Variants in UBXN6 observed in about 807,000 individuals in gnomAD.
UBXN6 encodes UBX domain-containing protein 6.
A neutral mutation model predicts 51.4 loss-of-function variants in UBXN6; 44 were observed. The ratio of observed to expected loss-of-function variants is 0.86; its 90% CI spans 0.67 to 1.10. UBXN6 has a LOEUF of 1.10. UBXN6 is among the 50% of genes least tolerant of loss of function. The probability of loss-of-function intolerance (pLI) is 0.00; values close to 1 mark genes in which losing one functional copy is unlikely to be tolerated. For missense variants in UBXN6, 672 were observed against 596.1 expected, an observed-to-expected ratio of 1.13 and a Z score of -1.32; for synonymous variants, 316 against 263.2, an observed-to-expected ratio of 1.20 and a Z score of -1.94.
intron 6 of UBXN6, 41 bp downstream of exon 6, chr19:4,447,509 C>T (rs1193378542): frequency 5.6e-6 from 9 of 1,610,198 alleles, no homozygotes; most frequent in Non-Finnish European, 5.9e-6. Context: ...CAGCTGCCCC[C>T]ACCCCCAGCC....
chr19:4,457,814 A>T (rs972434303), upstream of UBXN6: 9 of 594,876 alleles, frequency 1.5e-5, no homozygotes, highest in Admixed American at 1.5e-4. Flanking sequence ...AAAAAAAAAA[A>T]AAAAAAAAAT....
chr19:4,447,563 T>C lies in UBXN6; in HGVS notation c.602A>G (p.Asn201Ser), dbSNP rs756394194. 17 of 1,613,448 alleles carry C rather than the reference T, an allele frequency of 1.1e-5. No homozygotes were observed. Among genetic ancestry groups the C allele is most frequent in the Non-Finnish European group, 1.4e-5 (16 of 1,179,762 alleles). ...EEKYRKIKLQNKVFQERINCL... is the reference protein window; with the variant it reads ...EEKYRKIKLQSKVFQERINCL... Reference sequence around the variant, plus strand: ...AGGCACGCCCACCTGAAACACCTTGTTCTGCAGCTTGATCTTCCGGTACTT... The same window carrying C: ...AGGCACGCCCACCTGAAACACCTTGCTCTGCAGCTTGATCTTCCGGTACTT... Residue 201 changes from asparagine (N) to serine (S), a missense_variant, in exon 6 of 11, where the codon AAC (asparagine) becomes AGC (serine). By Grantham distance (46) the Asn-to-Ser change is conservative (BLOSUM62 1). Coordinates refer to ENST00000301281, the MANE Select transcript of UBXN6 (RefSeq NM_025241.3).
intron 5 of UBXN6, chr19:4,447,979 G>A (rs1406448163): frequency 4.0e-6 from 2 of 501,676 alleles, no homozygotes; most frequent in East Asian, 3.5e-5. Flanking sequence ...GTGCTCCCTC[G>A]GCGTTGGCGG....
chr19:4,452,282 G>A, intron 4 of UBXN6, 82 bp downstream of exon 4: 1 of 1,567,208 alleles, frequency 6.4e-7, no homozygotes. Flanking sequence ...GGAGGGATCT[G>A]TACCACCTGG....
At position 4,453,511 on chromosome 19, in the gene UBXN6, G is replaced by T; in HGVS notation, c.259C>A (p.Leu87Ile). The stretch of plus-strand genomic sequence containing the variant: ...CCGCTGACGGTGGCTTCGGCTTGAA[G>T]TTCCTTTCTCACTGGAAGGCAGCCC... Reference protein sequence around the residue: ...DTIRNQVRKELQAEATVSGSP... With the variant: ...DTIRNQVRKEIQAEATVSGSP... Residue 87 changes from leucine (L) to isoleucine (I), a missense_variant, in exon 3 of 11, where the codon CTT becomes ATT. Leu to Ile is a conservative substitution (Grantham distance 5, BLOSUM62 2). Coordinates refer to ENST00000301281, the MANE Select transcript of UBXN6 (RefSeq NM_025241.3). 1 of 1,613,776 alleles carries T rather than the reference G, an allele frequency of 6.2e-7. No homozygotes were observed. The highest frequency in any genetic ancestry group is 8.5e-7 in the Non-Finnish European group (1 of 1,179,922).
intron 1 of UBXN6, among the ~76,000 whole-genome samples, chr19:4,456,584 A>G (rs1280484194): frequency 6.6e-6 from 1 of 151,620 alleles, no homozygotes; most frequent in Non-Finnish European, 1.5e-5. Context: ...TCTCAACCCA[A>G]CAGCCCTCAG....
chr19:4,453,584 C>T (rs1974692632), intron 2 of UBXN6, 62 bp from the exon 3 acceptor site: 2 of 1,582,498 alleles, frequency 1.3e-6, no homozygotes, highest in East Asian at 4.5e-5. Flanking sequence ...CTGTCCTGGC[C>T]CAAGCCCCCT....
intron 10 of UBXN6, chr19:4,445,842 T>C: frequency 9.7e-7 from 1 of 1,034,884 alleles, no homozygotes. Flanking sequence ...CCGCTCCCAT[T>C]TGATGGGGAA....
intron 6 of UBXN6, 130 bp from the exon 7 acceptor site, chr19:4,447,050 G>A: frequency 1.1e-6 from 1 of 884,002 alleles, no homozygotes; most frequent in Non-Finnish European, 1.8e-6. Context: ...GCCCAGCCCT[G>A]GGGGTGCCTC....
At chr19:4,446,949 G>A (rs770668271) in intron 6 of UBXN6, 29 bp from the exon 7 acceptor site, 4 of 1,608,794 alleles carry the variant, frequency 2.5e-6, no homozygotes, top group African/African-American at 2.7e-5. Context: ...GTCACTGGGG[G>A]CCCCTGGCTT....
At chr19:4,456,838 C>A (rs1974745972) in intron 1 of UBXN6, among the ~76,000 whole-genome samples, 1 of 152,162 alleles carries the variant, frequency 6.6e-6, no homozygotes, top group Non-Finnish European at 1.5e-5. Flanking sequence ...TCCTCTCAGG[C>A]CCCTCCCGGG....
intron 1 of UBXN6, chr19:4,454,698 G>A (rs1209307668): frequency 1.3e-5 from 2 of 152,278 alleles, no homozygotes; most frequent in African/African-American, 2.4e-5. Flanking sequence ...TTATAGGCAT[G>A]AGCCACAGCA....
At chr19:4,456,966 C>A (rs958265650) in intron 1 of UBXN6, among the ~76,000 whole-genome samples, 1 of 152,108 alleles carries the variant, frequency 6.6e-6, no homozygotes, top group African/African-American at 2.4e-5. Context: ...ACCCCGGCCT[C>A]CCTGGCCTTC....
rs1037176391 is a variant in UBXN6, at chr19:4,446,139, C to G, written c.1110G>C (p.Leu370=). 6.2e-7 allele frequency: 1 copy of G among 1,612,008 alleles called. No individual in the cohort carries two copies. The change falls in exon 10 of 11, where the codon CTG becomes CTC. Residue 370 remains leucine, a synonymous_variant. Coordinates refer to ENST00000301281, the MANE Select transcript of UBXN6 (RefSeq NM_025241.3). The stretch of plus-strand genomic sequence containing the variant: ...GCTCAAAAGGCAGCCAGTCGCTCTG[C>G]AGGGCCTCCCGGACGAACCCGTACA... ...GAVYGFVREA[L]QSDWLPFELL...
At chr19:4,447,505 C>T (rs1009508072) in intron 6 of UBXN6, 45 bp downstream of exon 6, 1 of 1,607,232 alleles carries the variant, frequency 6.2e-7, no homozygotes, top group Non-Finnish European at 8.5e-7. Flanking sequence ...AGGCCAGCTG[C>T]CCCCACCCCC....
Position 4,457,731 on chromosome 19 carries a change from G to T in UBXN6, c.-34C>A. 6.8e-7 allele frequency: 1 copy of T among 1,461,338 alleles called. No individual in the cohort carries two copies. The highest frequency in any genetic ancestry group is 9.1e-7 in the Non-Finnish European group (1 of 1,096,492). The allele number at this position is 1,461,338 out of a possible 1,614,324, so 90.5% of individuals were successfully genotyped here. A position where few individuals can be genotyped will look rare whatever the true frequency, so the allele number is the denominator to read the frequency against. Reference sequence around the variant, plus strand: ...CTGGCCCGGCGGCGGGGGGCCGCGGGGGCGGGGGGGCACGGGGCCCAGTCG... The same window carrying T: ...CTGGCCCGGCGGCGGGGGGCCGCGGTGGCGGGGGGGCACGGGGCCCAGTCG... On this transcript the variant is annotated 5_prime_UTR_variant, in exon 1 of 11. Coordinates refer to ENST00000301281, the MANE Select transcript of UBXN6 (RefSeq NM_025241.3).
intron 4 of UBXN6, chr19:4,448,658 G>A (rs1974592384): frequency 1.8e-6 from 1 of 551,080 alleles, no homozygotes; most frequent in Non-Finnish European, 3.3e-6. Context: ...GCCTTCTCAA[G>A]GCTAGATCCA....
intron 6 of UBXN6, 139 bp downstream of exon 6, chr19:4,447,411 C>A (rs768690108): frequency 1.1e-6 from 1 of 884,402 alleles, no homozygotes. Flanking sequence ...TTCTACTGGC[C>A]GAACCCTTCA....
chr19:4,447,995 G>A (rs780110004), intron 5 of UBXN6: 24 of 513,858 alleles, frequency 4.7e-5, no homozygotes, highest in Non-Finnish European at 7.1e-5. Context: ...GGCGGGCAGC[G>A]TGGACCTCCA....
Sources: allele counts gnomAD v4.1 joint callset (sites outside exome capture counted in the v4.1 genomes callset), GRCh38; gene constraint gnomAD v4.1.1; transcripts MANE v1.5; gene names NCBI Gene and HGNC (gene_info 2026-07-23, HGNC 2026-07-21).